The following TBC1D21 variants were observed in gnomAD, a reference collection of about 807,000 sequenced individuals.
The protein encoded by TBC1D21 is TBC1 domain family member 21, also known as male germ cell Rab GTPase-activating protein.
A neutral mutation model predicts 46.0 loss-of-function variants in TBC1D21; 38 were observed. That is an observed-to-expected ratio of 0.83 (90% CI 0.64 to 1.08). The LOEUF is 1.08. TBC1D21 is among the 50% of genes least tolerant of loss of function. TBC1D21 has a pLI of 0.00. For synonymous variants in TBC1D21, 151 were observed against 157.2 expected, an observed-to-expected ratio of 0.96 and a Z score of 0.29; for missense variants, 415 against 417.9, an observed-to-expected ratio of 0.99 and a Z score of 0.06.
the TBC1D21 span, among the ~76,000 whole-genome samples, chr15:73,899,649 G>A: frequency 6.6e-6 from 1 of 152,176 alleles, no homozygotes; most frequent in African/African-American, 2.4e-5. Flanking sequence ...AGAGAAAAGA[G>A]GAACAGCCGT....
chr15:73,881,327 A>T (rs7496005), intron 1 of TBC1D21, 72 bp from the exon 2 acceptor site: 1 of 1,136,004 alleles, frequency 8.8e-7, no homozygotes, highest in Non-Finnish European at 1.3e-6. Flanking sequence ...AGTCCAGAAC[A>T]TATTATTTAA....
At position 73,876,199 on chromosome 15, in the gene TBC1D21, GTTTTTTTTTTTTTTTTTT is replaced by G. The variant is rs539517539; in HGVS notation, c.60+2459_60+2476del. ...GAAGAATCAGTGACTTTTTTTGTGG[GTTTTTTTTTTTTTTTTTT>G]TTTTTTTTTTTTTTTTTTTTTTTTT... On this transcript the variant is annotated intron_variant, in intron 1 of 10. Transcript: ENST00000300504. 2.0e-3 allele frequency among the ~76,000 whole-genome samples: 57 copies of G among 28,312 alleles called. 6 individuals are homozygous for G. The highest frequency in any genetic ancestry group is 5.1e-3 in the Non-Finnish European group (27 of 5,336). The allele number at this position is 28,312 out of a possible 152,430, so 18.6% of individuals were successfully genotyped here.
the TBC1D21 span, chr15:73,909,698 C>G: frequency 6.6e-6 from 1 of 152,142 alleles, no homozygotes; most frequent in Admixed American, 6.5e-5. Flanking sequence ...GCCAGGGAGG[C>G]CCCTCTTCTG....
downstream of TBC1D21, among the ~76,000 whole-genome samples, chr15:73,892,505 C>A (rs989289676): frequency 2.6e-5 from 4 of 152,192 alleles, no homozygotes; most frequent in African/African-American, 9.7e-5. Flanking sequence ...AGCTTCCATG[C>A]ACCGCTGCGT....
chr15:73,898,880 A>AT, the TBC1D21 span, among the ~76,000 whole-genome samples: 1,001 of 56,608 alleles, frequency 0.018, 27 homozygotes, highest in Non-Finnish European at 0.03. Context: ...AAAAAAAAAA[A>AT]ATATATATAT....
rs2068057275 is a variant in TBC1D21, at chr15:73,876,199, G to GGTGTTTTTTTTTTTT, written c.60+2430_60+2431insGTGTTTTTTTTTTTT. 2.8e-4 allele frequency among the ~76,000 whole-genome samples: 8 copies of GGTGTTTTTTTTTTTT among 28,314 alleles called. 4 individuals are homozygous for GGTGTTTTTTTTTTTT. Among genetic ancestry groups the GGTGTTTTTTTTTTTT allele is most frequent in the Non-Finnish European group, 7.5e-4 (4 of 5,336 alleles). 18.6% of individuals were successfully genotyped at this position (28,314 alleles called of 152,430 possible). ...GAAGAATCAGTGACTTTTTTTGTGG[G>GGTGTTTTTTTTTTTT]TTTTTTTTTTTTTTTTTTTTTTTTT... On this transcript the variant is annotated intron_variant, in intron 1 of 10. Coordinates refer to ENST00000300504, the MANE Select transcript of TBC1D21 (RefSeq NM_153356.3).
At chr15:73,874,240 A>C (rs1197732079) in intron 1 of TBC1D21, among the ~76,000 whole-genome samples, 2 of 152,232 alleles carry the variant, frequency 1.3e-5, no homozygotes, top group East Asian at 3.9e-4. Context: ...ACTTTAGCCA[A>C]TCTTAAGTCT....
intron 1 of TBC1D21, 138 bp downstream of exon 1, chr15:73,873,907 T>C (rs1417365602): frequency 2.1e-6 from 2 of 954,456 alleles, no homozygotes; most frequent in Non-Finnish European, 3.2e-6. Flanking sequence ...TGTACCTTAC[T>C]CTTACCATCA....
At chr15:73,893,508 G>T (rs1567072061), downstream of TBC1D21, among the ~76,000 whole-genome samples, 1 of 152,154 alleles carries the variant, frequency 6.6e-6, no homozygotes, top group Non-Finnish European at 1.5e-5. Flanking sequence ...CTTCCCTGGA[G>T]AATTCATTCA....
chr15:73,885,638 G>A (rs1368043545), intron 6 of TBC1D21, among the ~76,000 whole-genome samples: 2 of 151,900 alleles, frequency 1.3e-5, no homozygotes, highest in East Asian at 3.9e-4. Flanking sequence ...TGATCTGCGA[G>A]AGGCTGCCCA....
chr15:73,902,685 C>T, the TBC1D21 span, among the ~76,000 whole-genome samples: 38 of 152,322 alleles, frequency 2.5e-4, no homozygotes, highest in African/African-American at 8.4e-4. Flanking sequence ...TTTTCCCATC[C>T]GCTCCATGCT....
At chr15:73,873,827 GA>G in intron 1 of TBC1D21, 58 bp downstream of exon 1, 5 of 1,570,034 alleles carry the variant, frequency 3.2e-6, no homozygotes, top group Non-Finnish European at 4.3e-6. Context: ...TTGGCACTGG[GA>G]CCATTTTCCC....
intron 1 of TBC1D21, among the ~76,000 whole-genome samples, chr15:73,874,091 G>A (rs1239085137): frequency 1.3e-5 from 2 of 152,178 alleles, no homozygotes; most frequent in Non-Finnish European, 2.9e-5. Context: ...TTGGTATACT[G>A]CCACCAGGTG....
intron 6 of TBC1D21, 136 bp from the exon 7 acceptor site, chr15:73,885,936 CACTCAG>C (rs1210538408): frequency 2.7e-4 from 179 of 656,782 alleles, no homozygotes; most frequent in Admixed American, 1.2e-4. Context: ...CACACACACA[CACTCAG>C]ACTCATAGAG....
At chr15:73,876,225 T>TTTTTTTTTTTTTTTTTGTTTG (rs2068063589) in intron 1 of TBC1D21, among the ~76,000 whole-genome samples, 3 of 59,008 alleles carry the variant, frequency 5.1e-5, no homozygotes, top group Admixed American at 1.9e-4. Flanking sequence ...TTTTTTTTTT[T>TTTTTTTTTTTTTTTTTGTTTG]TTTTTTTTTT....
intron 1 of TBC1D21, among the ~76,000 whole-genome samples, chr15:73,880,328 A>C (rs74413913): frequency 6.6e-5 from 10 of 150,768 alleles, no homozygotes; most frequent in African/African-American, 2.4e-4. Flanking sequence ...ACACACACAC[A>C]CCCTTATCAA....
the TBC1D21 span, among the ~76,000 whole-genome samples, chr15:73,898,880 A>AAAAAAATATATATATATATAT: frequency 3.9e-3 from 220 of 56,474 alleles, 4 homozygotes; most frequent in Non-Finnish European, 6.6e-3. Flanking sequence ...AAAAAAAAAA[A>AAAAAAATATATATATATATAT]ATATATATAT....
At chr15:73,899,168 A>C in the TBC1D21 span, among the ~76,000 whole-genome samples, 4 of 152,132 alleles carry the variant, frequency 2.6e-5, no homozygotes, top group African/African-American at 9.6e-5. Flanking sequence ...AGGAGCCTGA[A>C]GTAGCCGTGG....
chr15:73,876,199 G>GGTGTTTTTTTTTTTTTTTTTTTTT lies in TBC1D21; in HGVS notation c.60+2430_60+2431insGTGTTTTTTTTTTTTTTTTTTTTT, dbSNP rs2068057275. Reference sequence around the variant, plus strand: ...GAAGAATCAGTGACTTTTTTTGTGGGTTTTTTTTTTTTTTTTTTTTTTTTT... The same window carrying GGTGTTTTTTTTTTTTTTTTTTTTT: ...GAAGAATCAGTGACTTTTTTTGTGGGGTGTTTTTTTTTTTTTTTTTTTTTTTTTTTTTTTTTTTTTTTTTTTTTT... On this transcript the variant is annotated intron_variant, in intron 1 of 10. Coordinates refer to ENST00000300504, the MANE Select transcript of TBC1D21 (RefSeq NM_153356.3). Among the ~76,000 whole-genome samples, 7 of 28,314 alleles carry GGTGTTTTTTTTTTTTTTTTTTTTT rather than the reference G, an allele frequency of 2.5e-4. 3 individuals carry two copies. The highest frequency in any genetic ancestry group is 3.7e-4 in the Non-Finnish European group (2 of 5,336). 18.6% of individuals were successfully genotyped at this position (28,314 alleles called of 152,430 possible).
Sources: allele counts gnomAD v4.1 joint callset (sites outside exome capture counted in the v4.1 genomes callset), GRCh38; gene constraint gnomAD v4.1.1; transcripts MANE v1.5; gene names NCBI Gene and HGNC (gene_info 2026-07-23, HGNC 2026-07-21).